Variants in CPT1A observed in about 807,000 individuals in gnomAD.
CPT1A encodes carnitine O-palmitoyltransferase 1, liver isoform.
A neutral mutation model predicts 100.8 loss-of-function variants in CPT1A; 64 were observed. The observed-to-expected ratio is 0.63, with a 90% confidence interval of 0.52 to 0.78. The LOEUF is 0.78. CPT1A is among the 30% of genes least tolerant of loss of function. The pLI is 0.00. For synonymous variants in CPT1A, 363 were observed against 396.0 expected (o/e 0.92, Z 0.99); for missense variants, 802 against 1,034.1 (o/e 0.78, Z 3.08).
chr11:68,804,434 A>G (rs1440368832), intron 4 of CPT1A, among the ~76,000 whole-genome samples: 2 of 152,098 alleles, frequency 1.3e-5, no homozygotes, highest in Admixed American at 6.6e-5. Flanking sequence ...CACCTCTACA[A>G]AAAATTAGCC....
intron 1 of CPT1A, among the ~76,000 whole-genome samples, chr11:68,816,601 C>T (rs371798147): frequency 6.6e-6 from 1 of 152,344 alleles, no homozygotes; most frequent in African/African-American, 2.4e-5. Flanking sequence ...AGCCCACCCC[C>T]ATCCCCTCCT....
chr11:68,755,242 G>A lies in CPT1A; in HGVS notation c.*2402C>T, dbSNP rs1315299035. ...CACTCAAAATGCCCTGTGAACTCTAGTGTAACACAGATTGCTCAGTGGTCA... is the reference window on the plus strand; with the variant it reads ...CACTCAAAATGCCCTGTGAACTCTAATGTAACACAGATTGCTCAGTGGTCA... On this transcript the variant is annotated 3_prime_UTR_variant, in exon 19 of 19. Coordinates refer to ENST00000265641, the MANE Select transcript of CPT1A (RefSeq NM_001876.4). 2 of 209,872 alleles carry A rather than the reference G, an allele frequency of 9.5e-6. No individual in the cohort carries two copies. The highest frequency in any genetic ancestry group is 2.0e-5 in the Non-Finnish European group (2 of 100,582). 13.0% of individuals were successfully genotyped at this position (209,872 alleles called of 1,614,324 possible). A position where few individuals can be genotyped will look rare whatever the true frequency, so the allele number is the denominator to read the frequency against.
chr11:68,799,654 C>A (rs1855851473), intron 5 of CPT1A, among the ~76,000 whole-genome samples: 1 of 151,854 alleles, frequency 6.6e-6, no homozygotes, highest in African/African-American at 2.4e-5. Context: ...ACCTGGGGGG[C>A]TGAGGTTGGG....
At chr11:68,840,413 G>A (rs1007835678) in intron 1 of CPT1A, among the ~76,000 whole-genome samples, 1 of 152,200 alleles carries the variant, frequency 6.6e-6, no homozygotes, top group African/African-American at 2.4e-5. Flanking sequence ...CCAGAAACCG[G>A]ACACCTGTGG....
intron 18 of CPT1A, among the ~76,000 whole-genome samples, chr11:68,758,198 G>A (rs1003037389): frequency 6.6e-6 from 1 of 151,796 alleles, no homozygotes; most frequent in African/African-American, 2.4e-5. Context: ...AGCCCAGGAG[G>A]CTGAAGCTGC....
At chr11:68,786,482 TAAG>T (rs1855465761) in intron 9 of CPT1A, among the ~76,000 whole-genome samples, 1 of 152,246 alleles carries the variant, frequency 6.6e-6, no homozygotes. Flanking sequence ...AAGTGATGTT[TAAG>T]AAGAACCCGG....
chr11:68,808,254 G>A (rs904829283), intron 3 of CPT1A, among the ~76,000 whole-genome samples: 1 of 152,158 alleles, frequency 6.6e-6, no homozygotes, highest in Admixed American at 6.6e-5. Flanking sequence ...ATAAAGAAAC[G>A]GACTGTGTAA....
chr11:68,831,604 T>G (rs1185731510), intron 1 of CPT1A, among the ~76,000 whole-genome samples: 1 of 151,948 alleles, frequency 6.6e-6, no homozygotes, highest in African/African-American at 2.4e-5. Flanking sequence ...AGATTCCTTT[T>G]TGTGCTTTTA....
At chr11:68,818,992 A>G (rs1283595091) in intron 1 of CPT1A, among the ~76,000 whole-genome samples, 1 of 152,180 alleles carries the variant, frequency 6.6e-6, no homozygotes, top group Non-Finnish European at 1.5e-5. Flanking sequence ...GATGTTTGCC[A>G]TGGGTTGAAG....
At chr11:68,842,815 GA>G (rs1857187267), upstream of CPT1A, among the ~76,000 whole-genome samples, 1 of 152,186 alleles carries the variant, frequency 6.6e-6, no homozygotes, top group African/African-American at 2.4e-5. Flanking sequence ...GGGGGAGGGA[GA>G]GGGGCCCCAA....
Position 68,809,389 on chromosome 11 carries a change from G to A in CPT1A, c.282-1751C>T, listed in dbSNP as rs114085832. ...AAAAGTATAGACATAGAGGCACTCA[G>A]ATAAAAAACGTTAGCAAAAAGCTTT... On this transcript the variant is annotated intron_variant, in intron 3 of 18. Transcript: ENST00000265641. Among the ~76,000 whole-genome samples the A allele has an allele frequency of 6.5e-3, 981 of 151,598 alleles. 11 individuals carry two copies. Among genetic ancestry groups the A allele is most frequent in the African/African-American group, 0.021 (865 of 41,058 alleles).
chr11:68,804,089 T>C lies in CPT1A; in HGVS notation c.466A>G (p.Ile156Val), dbSNP rs201398937. The C allele has an allele frequency of 3.3e-5, 54 of 1,613,206 alleles. No homozygotes were observed. Among genetic ancestry groups the C allele is most frequent in the Non-Finnish European group, 1.0e-5 (12 of 1,179,290 alleles). The change falls in exon 5 of 19, where the codon ATC becomes GTC. Residue 156 changes from isoleucine (I) to valine (V), a missense_variant. By Grantham distance (29) the Ile-to-Val change is conservative. Transcript: ENST00000265641. ...ATKIWMGMVKIFSGRKPMLYS... is the reference protein window; with the variant it reads ...ATKIWMGMVKVFSGRKPMLYS... ...AACATGGGTTTTCGGCCTGAAAAGA[T>C]CTTGACCATACCCTGAAGAGAGAGA... is the stretch of plus-strand genomic sequence containing the variant.
chr11:68,841,069 G>C lies in CPT1A; in HGVS notation c.-14+706C>G, dbSNP rs374853492. On this transcript the variant is annotated intron_variant, in intron 1 of 18. Transcript: ENST00000265641. This position sits in a 1 kb window ranked among gnomAD's most constrained non-coding sequence, Gnocchi z 6.3. ...CCTGGAGTCCCTGCGCCAAGGGCGT[G>C]TCCCGACGGCTGCACCGCGAGGGCG... Among the ~76,000 whole-genome samples, 1 of 152,258 alleles carries C rather than the reference G, an allele frequency of 6.6e-6. No individual in the cohort carries two copies. Among genetic ancestry groups the C allele is most frequent in the African/African-American group, 2.4e-5 (1 of 41,470 alleles).
At chr11:68,777,249 G>C (rs1254440205) in intron 12 of CPT1A, among the ~76,000 whole-genome samples, 1 of 152,020 alleles carries the variant, frequency 6.6e-6, no homozygotes, top group Non-Finnish European at 1.5e-5. Context: ...GGGCAATGTG[G>C]CAAAACCCCG....
intron 3 of CPT1A, among the ~76,000 whole-genome samples, chr11:68,808,129 T>C (rs879444474): frequency 2.0e-5 from 3 of 152,252 alleles, no homozygotes; most frequent in Non-Finnish European, 4.4e-5. Flanking sequence ...GATGAATTTT[T>C]TTCTCTCAAA....
intron 3 of CPT1A, among the ~76,000 whole-genome samples, chr11:68,811,416 G>A (rs148236390): frequency 1.3e-5 from 2 of 152,318 alleles, no homozygotes; most frequent in East Asian, 3.9e-4. Flanking sequence ...AAAGTAAAAT[G>A]TGTGTCCAAG....
intron 12 of CPT1A, among the ~76,000 whole-genome samples, chr11:68,778,659 G>GT (rs1314215182): frequency 6.6e-6 from 1 of 151,358 alleles, no homozygotes; most frequent in Non-Finnish European, 1.5e-5. Flanking sequence ...TCGCACCACT[G>GT]CACACCAGCC....
At chr11:68,782,504 C>A (rs554784423) in intron 10 of CPT1A, among the ~76,000 whole-genome samples, 2 of 152,350 alleles carry the variant, frequency 1.3e-5, no homozygotes, top group East Asian at 3.9e-4. Context: ...GGAACCCAGG[C>A]CATCAGCCCC....
At chr11:68,818,916 C>A (rs1856505984) in intron 1 of CPT1A, among the ~76,000 whole-genome samples, 1 of 152,128 alleles carries the variant, frequency 6.6e-6, no homozygotes, top group African/African-American at 2.4e-5. Context: ...ACGCAGCCAA[C>A]TCCCACGGCC....
Sources: allele counts gnomAD v4.1 joint callset (sites outside exome capture counted in the v4.1 genomes callset), GRCh38; gene constraint gnomAD v4.1.1; non-coding constraint Gnocchi (gnomAD v3.1); transcripts MANE v1.5; gene names NCBI Gene and HGNC (gene_info 2026-07-23, HGNC 2026-07-21).